INPP4B: variants seen among roughly 807,000 people sequenced by gnomAD.
The protein encoded by INPP4B is inositol polyphosphate-4-phosphatase type II B, also known as inositol polyphosphate 4-phosphatase type II.
Under a neutral mutation model 122.5 loss-of-function variants are expected in INPP4B, and 55 were observed. The observed-to-expected ratio is 0.45, with a 90% CI of 0.36 to 0.56. The LOEUF (loss-of-function observed/expected upper bound fraction) is 0.56, where lower values mean the gene tolerates loss of function less well. INPP4B is among the 20% of genes least tolerant of loss of function. The pLI, the probability that INPP4B is intolerant of heterozygous loss-of-function variation, is 0.00. For synonymous variants in INPP4B, 403 were observed against 388.7 expected, an observed-to-expected ratio of 1.04 and a Z score of -0.43; for missense variants, 1,000 against 1,097.7, an observed-to-expected ratio of 0.91 and a Z score of 1.26.
At chr4:142,749,220 T>TATATATA (rs1269395878) in intron 1 of INPP4B, among the ~76,000 whole-genome samples, 1 of 147,172 alleles carries the variant, frequency 6.8e-6, no homozygotes, top group Admixed American at 6.9e-5. Flanking sequence ...TGTCTCAGCA[T>TATATATA]ATATATAATA....
At chr4:142,339,684 G>A (rs1299645100) in intron 7 of INPP4B, among the ~76,000 whole-genome samples, 1 of 151,990 alleles carries the variant, frequency 6.6e-6, no homozygotes, top group African/African-American at 2.4e-5. Context: ...ACATTATTTT[G>A]TACAGAAAAG....
chr4:142,739,054 C>A (rs1767507951), intron 1 of INPP4B, among the ~76,000 whole-genome samples: 1 of 152,040 alleles, frequency 6.6e-6, no homozygotes, highest in East Asian at 1.9e-4. Flanking sequence ...TCACCATCAA[C>A]AATGTCCAAA....
intron 9 of INPP4B, among the ~76,000 whole-genome samples, chr4:142,288,561 C>A (rs980453076): frequency 6.6e-6 from 1 of 151,768 alleles, no homozygotes; most frequent in Non-Finnish European, 1.5e-5. Flanking sequence ...CCAGCCTGGG[C>A]GACAGAGCGA....
intron 1 of INPP4B, among the ~76,000 whole-genome samples, chr4:142,791,230 G>C (rs548361943): frequency 6.6e-6 from 1 of 152,246 alleles, no homozygotes; most frequent in Non-Finnish European, 1.5e-5. Context: ...TAATTTCAAA[G>C]CATGGAGGCT....
At chr4:142,089,518 G>A (rs1293114373) in intron 23 of INPP4B, among the ~76,000 whole-genome samples, 1 of 151,706 alleles carries the variant, frequency 6.6e-6, no homozygotes, top group East Asian at 1.9e-4. Flanking sequence ...TATCTGAGGT[G>A]AGGAAGTAGT....
intron 5 of INPP4B, chr4:142,427,205 T>A (rs940568881): frequency 4.3e-6 from 1 of 230,350 alleles, no homozygotes; most frequent in African/African-American, 2.3e-5. Flanking sequence ...TAGTTGAAGA[T>A]CTTAAAGTGC....
intron 2 of INPP4B, among the ~76,000 whole-genome samples, chr4:142,653,086 T>A (rs1253302548): frequency 6.6e-6 from 1 of 152,196 alleles, no homozygotes; most frequent in East Asian, 1.9e-4. Context: ...TACAACCATC[T>A]GATCTTTGAC....
rs1443679230 is a variant in INPP4B, at chr4:142,720,894, G to A, written c.-191+4945C>T. On this transcript the variant is annotated intron_variant, in intron 2 of 25. Coordinates refer to ENST00000262992, the MANE Select transcript of INPP4B (RefSeq NM_001101669.3). Reference sequence around the variant, plus strand: ...TGTCACCCAGGCTGGAGTGCATCTCGTGTGTGTGTGTGTGTGTGTGTGTGT... The same window carrying A: ...TGTCACCCAGGCTGGAGTGCATCTCATGTGTGTGTGTGTGTGTGTGTGTGT... Among the ~76,000 whole-genome samples, 91 of 74,244 alleles carry A rather than the reference G, an allele frequency of 1.2e-3. 2 individuals carry two copies. The highest frequency in any genetic ancestry group is 3.1e-4 in the Non-Finnish European group (12 of 38,774). The allele number at this position is 74,244 out of a possible 152,430, so 48.7% of individuals were successfully genotyped here.
At chr4:142,607,744 T>C (rs1249893309) in intron 2 of INPP4B, among the ~76,000 whole-genome samples, 1 of 152,128 alleles carries the variant, frequency 6.6e-6, no homozygotes, top group Non-Finnish European at 1.5e-5. Flanking sequence ...ATATACAAAT[T>C]AAGACAGACA....
At chr4:142,072,274 A>G (rs10008720) in intron 25 of INPP4B, among the ~76,000 whole-genome samples, 3,755 of 151,884 alleles carry the variant, frequency 0.025, 175 homozygotes, top group African/African-American at 0.087. Context: ...CTCGTAGGTG[A>G]GAATTGAACA....
chr4:142,271,122 C>G (rs571845001), intron 9 of INPP4B, among the ~76,000 whole-genome samples: 1 of 119,412 alleles, frequency 8.4e-6, no homozygotes, highest in South Asian at 3.3e-4. Context: ...TGCCACCATG[C>G]CTGGCTACTT....
intron 1 of INPP4B, among the ~76,000 whole-genome samples, chr4:142,833,842 A>G (rs766847693): frequency 6.6e-6 from 1 of 152,200 alleles, no homozygotes; most frequent in Non-Finnish European, 1.5e-5. Context: ...TCCTATTTAG[A>G]TGAGCCCAAA....
chr4:142,824,403 C>T (rs1781201592), intron 1 of INPP4B, among the ~76,000 whole-genome samples: 1 of 152,050 alleles, frequency 6.6e-6, no homozygotes, highest in Non-Finnish European at 1.5e-5. Context: ...AGGCTCTTTT[C>T]CACCTTGTCA....
At chr4:142,165,427 T>A (rs1394468151) in intron 16 of INPP4B, among the ~76,000 whole-genome samples, 2 of 151,768 alleles carry the variant, frequency 1.3e-5, no homozygotes, top group African/African-American at 4.8e-5. Flanking sequence ...CTTTATTTGT[T>A]GGTTCACTTT....
At chr4:142,733,263 A>T (rs1319094279) in intron 1 of INPP4B, among the ~76,000 whole-genome samples, 1 of 152,180 alleles carries the variant, frequency 6.6e-6, no homozygotes, top group Non-Finnish European at 1.5e-5. Context: ...TCTTAAACAG[A>T]GTATAAGTGG....
chr4:142,789,857 A>T (rs1052126304), intron 1 of INPP4B, among the ~76,000 whole-genome samples: 10 of 152,164 alleles, frequency 6.6e-5, no homozygotes, highest in Non-Finnish European at 1.5e-5. Flanking sequence ...CATAATCACC[A>T]AAACAGCATG....
In INPP4B at chr4:142,340,901, T is replaced by A. The variant is rs185910037; in HGVS notation, c.373-26139A>T. 3.9e-5 allele frequency among the ~76,000 whole-genome samples: 6 copies of A among 152,268 alleles called. No homozygotes were observed. In the East Asian group the frequency reaches 1.2e-3, roughly 29 times the overall value. On this transcript the variant is annotated intron_variant, in intron 7 of 25. Transcript: ENST00000262992. ...TAAGTACCATCTGGAGAAAAAAAAC[T>A]GTAGATCTGTTGTTTTATCATATCT... is the stretch of plus-strand genomic sequence containing the variant.
chr4:142,375,611 G>T (rs1791550838), intron 7 of INPP4B, among the ~76,000 whole-genome samples: 1 of 151,866 alleles, frequency 6.6e-6, no homozygotes, highest in East Asian at 1.9e-4. Flanking sequence ...TGAAATTAGA[G>T]AAAAAAGTCT....
intron 1 of INPP4B, among the ~76,000 whole-genome samples, chr4:142,747,284 T>G (rs1195895800): frequency 6.6e-6 from 1 of 152,150 alleles, no homozygotes; most frequent in Non-Finnish European, 1.5e-5. Context: ...TCATCATCAC[T>G]GGTCATCAGA....
Sources: gnomAD v4.1 joint callset for allele counts (sites outside exome capture counted in the v4.1 genomes callset) on GRCh38, gnomAD v4.1.1 for gene constraint, MANE v1.5 for transcripts, NCBI Gene and HGNC (gene_info 2026-07-23, HGNC 2026-07-21) for gene names.